The following PCDH15 variants were observed in gnomAD, a reference collection of about 807,000 sequenced individuals.
PCDH15 encodes the protein protocadherin related 15.
PCDH15 carries 129 observed loss-of-function variants against 178.5 expected under a neutral mutation model. The observed-to-expected ratio is 0.72, with a 90% CI of 0.63 to 0.84. The LOEUF is 0.84. Among genes scored for constraint, PCDH15 ranks in the 40% least tolerant of loss-of-function variants. The probability of loss-of-function intolerance (pLI) is 0.00; values close to 1 mark genes in which losing one functional copy is unlikely to be tolerated. For missense variants in PCDH15, 2,230 were observed against 2,099.9 expected (o/e 1.06, Z -1.21); for synonymous variants, 800 against 732.0 (o/e 1.09, Z -1.50).
At chr10:54,538,139 T>C (rs2084785813) in intron 2 of PCDH15, among the ~76,000 whole-genome samples, 2 of 152,200 alleles carry the variant, frequency 1.3e-5, no homozygotes, top group South Asian at 4.1e-4. Context: ...CTTGTCAATT[T>C]TTGGTTTTGT....
chr10:55,520,544 T>C (rs1841150836), intron 2 of PCDH15, among the ~76,000 whole-genome samples: 1 of 149,404 alleles, frequency 6.7e-6, no homozygotes, highest in Non-Finnish European at 1.5e-5. Context: ...TGTATATATA[T>C]TTATTTATAT....
intron 2 of PCDH15, among the ~76,000 whole-genome samples, chr10:55,116,614 G>A (rs920648700): frequency 4.6e-5 from 7 of 152,102 alleles, no homozygotes; most frequent in Admixed American, 1.3e-4. Flanking sequence ...GATGCTTGCC[G>A]TGATTCTGCT....
rs1384514633 is a variant in PCDH15, at chr10:53,804,331, C to T, written c.*2248G>A. 5 of 151,968 alleles carry T rather than the reference C, an allele frequency of 3.3e-5. No individual in the cohort carries two copies. Among genetic ancestry groups the T allele is most frequent in the African/African-American group, 9.7e-5 (4 of 41,434 alleles). 9.4% of individuals were successfully genotyped at this position (151,968 alleles called of 1,614,324 possible). Reference sequence around the variant, plus strand: ...TAAAATACAGTGACATCTCATATGTCAGGCCACTAGACTTCTGCCAACATC... The same window carrying T: ...TAAAATACAGTGACATCTCATATGTTAGGCCACTAGACTTCTGCCAACATC... On this transcript the variant is annotated 3_prime_UTR_variant, in exon 38 of 38. Coordinates refer to ENST00000644397, the MANE Select transcript of PCDH15 (RefSeq NM_001384140.1).
intron 4 of PCDH15, among the ~76,000 whole-genome samples, chr10:54,378,411 C>G (rs1255410645): frequency 6.6e-6 from 1 of 151,958 alleles, no homozygotes; most frequent in Non-Finnish European, 1.5e-5. Context: ...GTGCACCCAC[C>G]AAACTACATC....
chr10:55,301,457 CT>C, intron 1 of PCDH15, among the ~76,000 whole-genome samples: 1 of 149,782 alleles, frequency 6.7e-6, no homozygotes, highest in South Asian at 2.1e-4. Context: ...TTTTTTTTTT[CT>C]TTTTTAAAGT....
intron 2 of PCDH15, among the ~76,000 whole-genome samples, chr10:55,615,475 T>C (rs991718667): frequency 1.3e-5 from 2 of 152,202 alleles, no homozygotes; most frequent in African/African-American, 4.8e-5. Context: ...AATGGGATAA[T>C]TTATATTACT....
intron 2 of PCDH15, among the ~76,000 whole-genome samples, chr10:55,395,270 G>C (rs1200515624): frequency 6.7e-6 from 1 of 148,566 alleles, no homozygotes; most frequent in East Asian, 2.1e-4. Context: ...GTTTTCTATG[G>C]GTTCTAACTT....
At chr10:54,090,890 T>C (rs777092239) in intron 15 of PCDH15, among the ~76,000 whole-genome samples, 1 of 152,140 alleles carries the variant, frequency 6.6e-6, no homozygotes, top group Non-Finnish European at 1.5e-5. Context: ...CAAATGTTAA[T>C]AGATGTTGAG....
At chr10:55,621,992 TATATTTATATATGTATATATAATAA>T (rs972241648) in intron 2 of PCDH15, among the ~76,000 whole-genome samples, 2 of 143,138 alleles carry the variant, frequency 1.4e-5, no homozygotes, top group Non-Finnish European at 3.0e-5. Context: ...TCTCTCTATA[TATATTTATATATGTATATATAATAA>T]ATATTTATAT....
At chr10:54,654,689 G>C (rs922672872) in intron 2 of PCDH15, among the ~76,000 whole-genome samples, 5 of 152,132 alleles carry the variant, frequency 3.3e-5, no homozygotes, top group African/African-American at 4.8e-5. Context: ...AGCCAAGCAA[G>C]TTTATAATTA....
intron 26 of PCDH15, among the ~76,000 whole-genome samples, chr10:53,879,793 C>T (rs993196438): frequency 3.3e-5 from 5 of 152,074 alleles, no homozygotes; most frequent in Admixed American, 1.3e-4. Flanking sequence ...TTAGTAGAGA[C>T]AAGGTTTTGC....
intron 1 of PCDH15, among the ~76,000 whole-genome samples, chr10:55,185,620 T>C (rs1839777373): frequency 6.6e-6 from 1 of 151,764 alleles, no homozygotes. Flanking sequence ...TTATATAAAT[T>C]TTCTTTAGAA....
At chr10:54,687,096 A>G (rs1406261988) in intron 1 of PCDH15, among the ~76,000 whole-genome samples, 1 of 152,198 alleles carries the variant, frequency 6.6e-6, no homozygotes, top group Non-Finnish European at 1.5e-5. Flanking sequence ...CACACCTGTC[A>G]GTATGGCTAT....
At chr10:55,434,804 C>T (rs1333940632) in intron 2 of PCDH15, among the ~76,000 whole-genome samples, 1 of 152,016 alleles carries the variant, frequency 6.6e-6, no homozygotes, top group Non-Finnish European at 1.5e-5. Flanking sequence ...CAGGGTTTCA[C>T]CATATTGGCC....
chr10:54,363,910 T>G (rs1473227379), intron 5 of PCDH15, among the ~76,000 whole-genome samples: 2 of 152,122 alleles, frequency 1.3e-5, no homozygotes, highest in East Asian at 3.9e-4. Context: ...TGTATAAAAT[T>G]TATTTCTTTT....
chr10:53,923,708 CT>C (rs1027938199), intron 25 of PCDH15, among the ~76,000 whole-genome samples: 2 of 152,156 alleles, frequency 1.3e-5, no homozygotes, highest in African/African-American at 4.8e-5. Flanking sequence ...AACATACTTT[CT>C]TTAGTCATAA....
At chr10:54,736,730 A>G (rs902802847) in intron 1 of PCDH15, among the ~76,000 whole-genome samples, 1 of 152,046 alleles carries the variant, frequency 6.6e-6, no homozygotes, top group Non-Finnish European at 1.5e-5. Context: ...ACAGTATATC[A>G]GCATTTTTGA....
rs957097716 is a variant in PCDH15, at chr10:54,153,263, T to C, written c.1621A>G (p.Asn541Asp). ...AGGATTTCATATGTGATCTCCCCAT[T>C]TGACCCTTCGTCTGCGTCGACTGCA... ...LTAVDADEGS[N>D]GEITYEILVG... is the part of the protein sequence containing the mutation. The change falls in exon 14 of 38, where the codon AAT becomes GAT. Residue 541 changes from asparagine to aspartate, a missense_variant. By Grantham distance (23) the Asn-to-Asp change is conservative. Transcript: ENST00000644397. 1 of 1,613,814 alleles carries C rather than the reference T, an allele frequency of 6.2e-7. No homozygotes were observed. The highest frequency in any genetic ancestry group is 8.5e-7 in the Non-Finnish European group (1 of 1,179,834).
chr10:55,584,455 G>A (rs528065200), intron 2 of PCDH15, among the ~76,000 whole-genome samples: 1 of 151,546 alleles, frequency 6.6e-6, no homozygotes, highest in African/African-American at 2.4e-5. Context: ...TCAAGAGATC[G>A]AGACCATCCT....
Sources: allele counts gnomAD v4.1 joint callset (sites outside exome capture counted in the v4.1 genomes callset), GRCh38; gene constraint gnomAD v4.1.1; transcripts MANE v1.5; gene names NCBI Gene and HGNC (gene_info 2026-07-23, HGNC 2026-07-21).